The following NRXN3 variants were observed in gnomAD, a reference collection of about 807,000 sequenced individuals.
The protein encoded by NRXN3 is neurexin 3.
NRXN3 carries 32 observed loss-of-function variants against 137.6 expected under a neutral mutation model. That is an observed-to-expected ratio of 0.23 (90% CI 0.18 to 0.31). NRXN3 has a LOEUF of 0.31. Among genes scored for constraint, NRXN3 ranks in the 10% least tolerant of loss-of-function variants. NRXN3 has a pLI of 1.00. For synonymous variants in NRXN3, 798 were observed against 784.5 expected (o/e 1.02, Z -0.29); for missense variants, 1,574 against 2,062.5 (o/e 0.76, Z 4.59).
At chr14:79,322,020 G>A (rs1048576488) in intron 15 of NRXN3, among the ~76,000 whole-genome samples, 3 of 151,924 alleles carry the variant, frequency 2.0e-5, no homozygotes, top group Admixed American at 6.5e-5. Context: ...GATCACTTGA[G>A]CCTAGTAGTT....
intron 15 of NRXN3, among the ~76,000 whole-genome samples, chr14:79,138,884 A>G (rs1358956386): frequency 6.6e-6 from 1 of 152,266 alleles, no homozygotes; most frequent in Non-Finnish European, 1.5e-5. Context: ...GTGAATGAGC[A>G]AAGCCATTGA....
chr14:79,600,665 A>G (rs2097912182), intron 16 of NRXN3, among the ~76,000 whole-genome samples: 1 of 152,134 alleles, frequency 6.6e-6, no homozygotes, highest in Non-Finnish European at 1.5e-5. Flanking sequence ...AGAATGCCAG[A>G]AGAGTGGGGA....
In NRXN3 at chr14:79,663,829, A is replaced by G; in HGVS notation, c.3496A>G (p.Ile1166Val). 4 of 1,613,358 alleles carry G rather than the reference A, an allele frequency of 2.5e-6. No individual in the cohort carries two copies. The highest frequency in any genetic ancestry group is 3.4e-6 in the Non-Finnish European group (4 of 1,179,608). The change falls in exon 17 of 21, where the codon ATC becomes GTC. Residue 1166 changes from isoleucine to valine, a missense_variant. By Grantham distance (29) the Ile-to-Val change is conservative (BLOSUM62 3). Around this residue, in one of 5 missense-constraint regions of NRXN3, gnomAD observed 133 missense variants for 241.8 expected, o/e 0.55. Coordinates refer to ENST00000335750, the MANE Select transcript of NRXN3 (RefSeq NM_001330195.2). ...VFNIGTVDIS[I>V]KEERTPVNDG... is the part of the protein sequence containing the mutation. ...CAACATTGGCACAGTTGACATCTCC[A>G]TCAAAGAGGAGAGAACCCCTGTAAA...
At chr14:79,614,959 G>A (rs2098139707) in intron 16 of NRXN3, among the ~76,000 whole-genome samples, 1 of 152,166 alleles carries the variant, frequency 6.6e-6, no homozygotes, top group Non-Finnish European at 1.5e-5. Flanking sequence ...AGAGTGAAGT[G>A]GAGGTATTAA....
At chr14:79,414,803 C>T (rs371071952) in intron 15 of NRXN3, among the ~76,000 whole-genome samples, 2 of 152,128 alleles carry the variant, frequency 1.3e-5, no homozygotes, top group African/African-American at 4.8e-5. Context: ...TATATTAGGT[C>T]TCCAGAATGT....
At position 78,950,846 on chromosome 14, in the gene NRXN3, G is replaced by C. The variant is rs142077970; in HGVS notation, c.2276-6396G>C. On this transcript the variant is annotated intron_variant, in intron 10 of 20. Transcript: ENST00000335750. ...GAAGCTGCCGGGAGCTGGTTATCAA[G>C]TGTGACTCATAGGAGAGACACAATA... Among the ~76,000 whole-genome samples the C allele has an allele frequency of 2.7e-3, 408 of 152,300 alleles. 2 individuals carry two copies. Among genetic ancestry groups the C allele is most frequent in the African/African-American group, 9.5e-3 (393 of 41,572 alleles).
At chr14:78,943,748 G>T (rs189852001) in intron 10 of NRXN3, among the ~76,000 whole-genome samples, 1 of 142,122 alleles carries the variant, frequency 7.0e-6, no homozygotes. Flanking sequence ...AAGGTGGCAG[G>T]GTCCTTACTC....
At chr14:79,679,476 G>A (rs1365576514) in intron 17 of NRXN3, among the ~76,000 whole-genome samples, 1 of 152,114 alleles carries the variant, frequency 6.6e-6, no homozygotes, top group Admixed American at 6.6e-5. Flanking sequence ...GAACCTTTCT[G>A]AACATCGAAA....
chr14:78,869,378 T>A (rs1450742225), intron 10 of NRXN3, among the ~76,000 whole-genome samples: 3 of 152,164 alleles, frequency 2.0e-5, no homozygotes, highest in Non-Finnish European at 4.4e-5. Context: ...AAAACCATCA[T>A]CCAGATTATT....
At chr14:78,299,838 T>C (rs1427151404) in intron 4 of NRXN3, among the ~76,000 whole-genome samples, 2 of 152,188 alleles carry the variant, frequency 1.3e-5, no homozygotes, top group Non-Finnish European at 2.9e-5. Flanking sequence ...ATGACAGACA[T>C]GGATGTTGTG....
At chr14:79,056,579 G>T (rs1405179646) in intron 15 of NRXN3, among the ~76,000 whole-genome samples, 2 of 152,194 alleles carry the variant, frequency 1.3e-5, no homozygotes, top group Admixed American at 1.3e-4. Flanking sequence ...AAAACTAGCT[G>T]AAGGGATAAT....
At chr14:79,637,919 G>A (rs1464166626) in intron 16 of NRXN3, among the ~76,000 whole-genome samples, 1 of 109,126 alleles carries the variant, frequency 9.2e-6, no homozygotes. Flanking sequence ...TAGTAGAGAT[G>A]GGTTTTCAAC....
At chr14:79,817,774 A>G (rs2099256267) in intron 20 of NRXN3, among the ~76,000 whole-genome samples, 1 of 152,190 alleles carries the variant, frequency 6.6e-6, no homozygotes, top group Non-Finnish European at 1.5e-5. Flanking sequence ...GGCCTCCTTG[A>G]TAATAAAAGA....
intron 15 of NRXN3, among the ~76,000 whole-genome samples, chr14:79,095,098 T>C (rs1053940589): frequency 1.3e-5 from 2 of 151,958 alleles, no homozygotes; most frequent in Admixed American, 6.6e-5. Context: ...ATTAGGAGTA[T>C]TCATAATTTC....
intron 15 of NRXN3, among the ~76,000 whole-genome samples, chr14:79,332,437 C>A (rs1169969323): frequency 6.6e-6 from 1 of 152,208 alleles, no homozygotes; most frequent in Non-Finnish European, 1.5e-5. Context: ...CGCTGTCGAG[C>A]TTACGCACCT....
At position 78,613,551 on chromosome 14, in the gene NRXN3, A is replaced by G. The variant is rs113729275; in HGVS notation, c.758-31569A>G. On this transcript the variant is annotated intron_variant, in intron 4 of 20. Coordinates refer to ENST00000335750, the MANE Select transcript of NRXN3 (RefSeq NM_001330195.2). ...AAAGGGGGCACAGAGTCTTTAAGCAAGAGGAGAAAACTGTCTCACAACCAT... is the reference window on the plus strand; with the variant it reads ...AAAGGGGGCACAGAGTCTTTAAGCAGGAGGAGAAAACTGTCTCACAACCAT... Among the ~76,000 whole-genome samples the G allele has an allele frequency of 4.1e-3, 620 of 151,230 alleles. 5 individuals are homozygous for G. The highest frequency in any genetic ancestry group is 0.014 in the African/African-American group (567 of 41,244).
chr14:79,553,410 A>T (rs1440243621), intron 16 of NRXN3, among the ~76,000 whole-genome samples: 1 of 152,170 alleles, frequency 6.6e-6, no homozygotes, highest in Non-Finnish European at 1.5e-5. Flanking sequence ...TACAGCTGCT[A>T]GGACGTTCAG....
At chr14:79,156,465 T>G in intron 15 of NRXN3, among the ~76,000 whole-genome samples, 1 of 151,794 alleles carries the variant, frequency 6.6e-6, no homozygotes. Flanking sequence ...AAATGAAATT[T>G]TACAATTTGG....
At chr14:78,481,195 G>A (rs2095468272) in intron 4 of NRXN3, among the ~76,000 whole-genome samples, 1 of 152,168 alleles carries the variant, frequency 6.6e-6, no homozygotes, top group African/African-American at 2.4e-5. Flanking sequence ...AAGAGGGAGA[G>A]AGGTCTGGAC....
Sources: gnomAD v4.1 joint callset for allele counts (sites outside exome capture counted in the v4.1 genomes callset) on GRCh38, gnomAD v4.1.1 for gene constraint, gnomAD v4.1.1 regional missense constraint, MANE v1.5 for transcripts, NCBI Gene and HGNC (gene_info 2026-07-23, HGNC 2026-07-21) for gene names.